Variants in AP3S2 observed in about 807,000 individuals in gnomAD.
The protein encoded by AP3S2 is adaptor related protein complex 3 subunit sigma 2.
Under a neutral mutation model 23.4 loss-of-function variants are expected in AP3S2, and 22 were observed. The ratio of observed to expected loss-of-function variants is 0.94; its 90% confidence interval spans 0.67 to 1.34. The LOEUF (loss-of-function observed/expected upper bound fraction) is 1.34, where lower values mean the gene tolerates loss of function less well. AP3S2 is among the 40% of genes most tolerant of loss of function. The pLI is 0.00. For missense variants in AP3S2, 241 were observed against 236.9 expected (o/e 1.02, Z -0.11); for synonymous variants, 86 against 87.1 (o/e 0.99, Z 0.07).
intron 4 of AP3S2, among the ~76,000 whole-genome samples, chr15:89,869,846 C>T (rs1283100389): frequency 2.6e-5 from 4 of 152,016 alleles, no homozygotes; most frequent in Non-Finnish European, 4.4e-5. Flanking sequence ...CTCCGCCTCC[C>T]GGGTTCAAGC....
chr15:89,879,627 T>C (rs1328515154), intron 3 of AP3S2, among the ~76,000 whole-genome samples: 1 of 152,138 alleles, frequency 6.6e-6, no homozygotes, highest in African/African-American at 2.4e-5. Context: ...TTTTTATTTT[T>C]TGGGGTCTCA....
chr15:89,889,863 CAAAAAAAAAAAA>C (rs940624860), intron 1 of AP3S2, among the ~76,000 whole-genome samples: 2 of 19,238 alleles, frequency 1.0e-4, no homozygotes, highest in Non-Finnish European at 2.3e-4. Flanking sequence ...GACTCCATCT[CAAAAAAAAAAAA>C]AAAAAAAAAA....
intron 3 of AP3S2, among the ~76,000 whole-genome samples, chr15:89,881,478 A>G (rs75064989): frequency 1.3e-5 from 2 of 152,242 alleles, no homozygotes; most frequent in Non-Finnish European, 2.9e-5. Context: ...AAGAAAAAAA[A>G]TGCTGCCAAT....
At chr15:89,842,977 G>A (rs556598677) in intron 4 of AP3S2, among the ~76,000 whole-genome samples, 3 of 151,262 alleles carry the variant, frequency 2.0e-5, no homozygotes, top group Admixed American at 1.3e-4. Context: ...ATTATTCCCA[G>A]GTATTTCTTT....
intron 4 of AP3S2, among the ~76,000 whole-genome samples, chr15:89,847,213 CTA>C (rs1491584851): frequency 1.3e-5 from 2 of 149,086 alleles, no homozygotes; most frequent in African/African-American, 4.9e-5. Flanking sequence ...CTCTGTCTCT[CTA>C]AAAAAAAAAA....
intron 4 of AP3S2, among the ~76,000 whole-genome samples, chr15:89,868,418 C>T (rs1335886504): frequency 3.0e-5 from 2 of 67,552 alleles, no homozygotes; most frequent in African/African-American, 1.2e-4. Flanking sequence ...CCCGGCCAGC[C>T]GCCCCGTCTG....
intron 1 of AP3S2, chr15:89,893,508 C>T: frequency 2.5e-6 from 1 of 398,190 alleles, no homozygotes; most frequent in Non-Finnish European, 4.4e-6. Flanking sequence ...CTTAATATTT[C>T]TTCCTCATGA....
intron 1 of AP3S2, among the ~76,000 whole-genome samples, chr15:89,892,103 T>C (rs1896833758): frequency 2.0e-5 from 3 of 152,202 alleles, no homozygotes; most frequent in Admixed American, 2.0e-4. Context: ...GAAAACATTA[T>C]ACTACATGAA....
At chr15:89,835,726 A>T in intron 5 of AP3S2, 83 bp from the exon 6 acceptor site, 4 of 1,487,432 alleles carry the variant, frequency 2.7e-6, no homozygotes, top group Non-Finnish European at 3.6e-6. Context: ...AAAAAAAGCA[A>T]AAACAAAAAC....
At chr15:89,861,067 T>G (rs1316014565) in intron 4 of AP3S2, among the ~76,000 whole-genome samples, 1 of 152,196 alleles carries the variant, frequency 6.6e-6, no homozygotes, top group African/African-American at 2.4e-5. Flanking sequence ...ATGAGCTTTG[T>G]TATCACAAGC....
chr15:89,885,493 G>A (rs986773293), intron 3 of AP3S2, among the ~76,000 whole-genome samples: 3 of 152,142 alleles, frequency 2.0e-5, no homozygotes, highest in African/African-American at 7.2e-5. Context: ...ATGTGCCACT[G>A]CCCCAGGCCA....
intron 1 of AP3S2, among the ~76,000 whole-genome samples, chr15:89,892,333 A>G (rs1367510401): frequency 1.3e-5 from 2 of 152,174 alleles, no homozygotes; most frequent in African/African-American, 2.4e-5. Flanking sequence ...ATGGTTACAC[A>G]GCTTCTGTGA....
intron 3 of AP3S2, among the ~76,000 whole-genome samples, chr15:89,880,491 G>C (rs1018244788): frequency 1.3e-5 from 2 of 152,046 alleles, no homozygotes; most frequent in African/African-American, 2.4e-5. Context: ...TGGTCAACAT[G>C]GTGAAACCCC....
intron 4 of AP3S2, among the ~76,000 whole-genome samples, chr15:89,849,624 C>T: frequency 6.6e-6 from 1 of 152,112 alleles, no homozygotes; most frequent in Non-Finnish European, 1.5e-5. Context: ...ACCTTGGCCT[C>T]CCAAAGTGCT....
chr15:89,880,096 G>C (rs1014472247), intron 3 of AP3S2, among the ~76,000 whole-genome samples: 7 of 151,336 alleles, frequency 4.6e-5, no homozygotes, highest in Admixed American at 2.0e-4. Context: ...TATAAGCCAG[G>C]ATCTAGACTT....
intron 4 of AP3S2, among the ~76,000 whole-genome samples, chr15:89,866,294 G>T (rs893276799): frequency 1.3e-5 from 2 of 148,442 alleles, no homozygotes; most frequent in African/African-American, 5.0e-5. Context: ...CACCATGGAG[G>T]TATACTCCAC....
At chr15:89,885,640 T>G (rs1031377370) in intron 3 of AP3S2, among the ~76,000 whole-genome samples, 11 of 152,246 alleles carry the variant, frequency 7.2e-5, no homozygotes, top group African/African-American at 2.7e-4. Flanking sequence ...TTATTAATTT[T>G]TATTGTCTTT....
intron 4 of AP3S2, among the ~76,000 whole-genome samples, chr15:89,855,945 T>TAAAAAAAAA (rs34784306): frequency 1.8e-5 from 2 of 111,950 alleles, no homozygotes; most frequent in African/African-American, 6.9e-5. Context: ...ATATGTCCTT[T>TAAAAAAAAA]AAAAAAAAAA....
intron 3 of AP3S2, among the ~76,000 whole-genome samples, chr15:89,877,630 C>G (rs997279757): frequency 6.6e-6 from 1 of 152,038 alleles, no homozygotes; most frequent in Non-Finnish European, 1.5e-5. Flanking sequence ...AGGTGGATCA[C>G]TTGAGGCCAG....
Sources: gnomAD v4.1 joint callset for allele counts (sites outside exome capture counted in the v4.1 genomes callset) on GRCh38, gnomAD v4.1.1 for gene constraint, MANE v1.5 for transcripts, NCBI Gene and HGNC (gene_info 2026-07-23, HGNC 2026-07-21) for gene names.